The following NDRG1 variants were observed in gnomAD, a reference collection of about 807,000 sequenced individuals.
The protein encoded by NDRG1 is protein NDRG1.
NDRG1 carries 32 observed loss-of-function variants against 56.9 expected under a neutral mutation model. The ratio of observed to expected loss-of-function variants is 0.56; its 90% CI spans 0.42 to 0.76. The LOEUF is 0.76. Among genes scored for constraint, NDRG1 ranks in the 30% least tolerant of loss-of-function variants. The pLI is 0.00. For synonymous variants in NDRG1, 211 were observed against 204.1 expected (o/e 1.03, Z -0.29); for missense variants, 507 against 545.7 (o/e 0.93, Z 0.71).
chr8:133,265,799 C>T (rs1037275605), intron 3 of NDRG1, among the ~76,000 whole-genome samples: 2 of 152,218 alleles, frequency 1.3e-5, no homozygotes, highest in Non-Finnish European at 2.9e-5. Context: ...AGAGGGTGGT[C>T]GTGACTCTTT....
chr8:133,247,777 G>A, intron 12 of NDRG1, 98 bp downstream of exon 12: 1 of 1,276,616 alleles, frequency 7.8e-7, no homozygotes, highest in East Asian at 2.3e-5. Flanking sequence ...GCCCTGATGG[G>A]GCAGAGGAGA....
At chr8:133,250,217 T>A (rs867504987) in intron 10 of NDRG1, among the ~76,000 whole-genome samples, 16 of 152,214 alleles carry the variant, frequency 1.1e-4, no homozygotes, top group African/African-American at 3.4e-4. Flanking sequence ...CCCAGTGGTC[T>A]GGAGTGTTTG....
At chr8:133,287,109 C>CT (rs1199038757) in intron 1 of NDRG1, among the ~76,000 whole-genome samples, 2 of 152,090 alleles carry the variant, frequency 1.3e-5, no homozygotes, top group Non-Finnish European at 2.9e-5. Context: ...ACTTTTCAAA[C>CT]TTTTTTTGCA....
intron 7 of NDRG1, among the ~76,000 whole-genome samples, chr8:133,258,106 AG>A (rs1856473430): frequency 1.3e-5 from 2 of 152,136 alleles, no homozygotes; most frequent in African/African-American, 2.4e-5. Flanking sequence ...GTGAGTGAGG[AG>A]CGTCCTCACT....
At chr8:133,285,482 C>T (rs964278735) in intron 1 of NDRG1, among the ~76,000 whole-genome samples, 3 of 152,194 alleles carry the variant, frequency 2.0e-5, no homozygotes, top group African/African-American at 7.2e-5. Flanking sequence ...CAAGGCCCCT[C>T]GGATGCAATG....
chr8:133,248,679 C>T lies in NDRG1; in HGVS notation c.755+36G>A, dbSNP rs565239833. The stretch of plus-strand genomic sequence containing the variant: ...AGGCCACCTTTATAGTGGGCAGCCC[C>T]GACTGCAAGTGCTGGGGGAGAGAAA... On this transcript the variant is annotated intron_variant, in intron 11 of 15. Transcript: ENST00000323851. 376 of 1,613,094 alleles carry T rather than the reference C, an allele frequency of 2.3e-4. 1 individual carries two copies. The highest frequency in any genetic ancestry group is 4.3e-4 in the Admixed American group (26 of 60,006).
At chr8:133,261,732 G>T (rs531228493) in intron 5 of NDRG1, among the ~76,000 whole-genome samples, 11 of 152,274 alleles carry the variant, frequency 7.2e-5, no homozygotes, top group Admixed American at 7.2e-4. Context: ...CAGGAAGGCT[G>T]GGGGAATGGG....
intron 5 of NDRG1, among the ~76,000 whole-genome samples, chr8:133,260,794 G>C (rs186809137): frequency 1.3e-5 from 2 of 152,264 alleles, no homozygotes; most frequent in East Asian, 3.9e-4. Flanking sequence ...ATTTATAAAT[G>C]CCAAGAAGGC....
intron 1 of NDRG1, among the ~76,000 whole-genome samples, chr8:133,295,263 A>G (rs1030994897): frequency 6.6e-6 from 1 of 151,854 alleles, no homozygotes; most frequent in African/African-American, 2.4e-5. Context: ...GCATATTTCA[A>G]CTCCTCCCAC....
chr8:133,275,875 T>G (rs1857430561), intron 3 of NDRG1, among the ~76,000 whole-genome samples: 1 of 152,240 alleles, frequency 6.6e-6, no homozygotes, highest in Non-Finnish European at 1.5e-5. Flanking sequence ...ACATTTGGCA[T>G]GCTGCCAGAC....
intron 9 of NDRG1, 120 bp downstream of exon 9, chr8:133,254,419 C>T: frequency 2.2e-6 from 2 of 921,894 alleles, no homozygotes; most frequent in Non-Finnish European, 3.4e-6. Context: ...TGAGCACCAG[C>T]TCGGTGGCCC....
chr8:133,264,580 C>A lies in NDRG1; in HGVS notation c.172G>T (p.Val58Phe), dbSNP rs537639284. ...LCGTPKGNRP[V>F]ILTYHDIGMN... ...CCGATGTCATGGTAGGTGAGGATGA[C>A]AGGCCGGTTTCCCTTGGGAGTCCCA... Residue 58 changes from valine to phenylalanine, a missense_variant, in exon 4 of 16, where the codon GTC (valine) becomes TTC (phenylalanine). By Grantham distance (50) the Val-to-Phe change is conservative (BLOSUM62 -1). Coordinates refer to ENST00000323851, the MANE Select transcript of NDRG1 (RefSeq NM_006096.4). 7.4e-6 allele frequency: 12 copies of A among 1,614,216 alleles called. No homozygotes were observed. In the South Asian group the frequency reaches 1.3e-4, roughly 18 times the overall value.
At chr8:133,258,230 C>T (rs1856479828) in intron 7 of NDRG1, 136 bp downstream of exon 7, 1 of 859,218 alleles carries the variant, frequency 1.2e-6, no homozygotes, top group African/African-American at 1.7e-5. Flanking sequence ...ATGCACCACA[C>T]ACACACACAC....
At chr8:133,260,476 T>C (rs1015371703) in intron 5 of NDRG1, among the ~76,000 whole-genome samples, 2 of 152,176 alleles carry the variant, frequency 1.3e-5, no homozygotes, top group Admixed American at 1.3e-4. Flanking sequence ...AAATGCGCTG[T>C]AATACCCAGA....
At chr8:133,277,053 C>T (rs968316837) in intron 3 of NDRG1, among the ~76,000 whole-genome samples, 7 of 152,302 alleles carry the variant, frequency 4.6e-5, no homozygotes, top group African/African-American at 7.2e-5. Context: ...CCTGAGGACA[C>T]GATGCTAACT....
At chr8:133,249,785 C>T (rs946608692) in intron 10 of NDRG1, among the ~76,000 whole-genome samples, 2 of 152,186 alleles carry the variant, frequency 1.3e-5, no homozygotes, top group African/African-American at 4.8e-5. Context: ...ATGTTAATTT[C>T]AAGAAGTCAC....
At chr8:133,242,935 G>A (rs1259867810) in intron 14 of NDRG1, among the ~76,000 whole-genome samples, 2 of 152,222 alleles carry the variant, frequency 1.3e-5, no homozygotes, top group South Asian at 2.1e-4. Context: ...TACTTTAAGT[G>A]AAATGCGTAT....
In NDRG1 at chr8:133,284,282, G is replaced by C; in HGVS notation, c.30C>G (p.Leu10=). 6.2e-7 allele frequency: 1 copy of C among 1,614,154 alleles called. No homozygotes were observed. ...TCTCCACCAAAGGCTTCACCTCAGC[G>C]AGGTCTACATCCTGCATCTCCCGAG... MSREMQDVD[L]AEVKPLVEKG... is the part of the protein sequence containing the mutation. Residue 10 remains leucine, a synonymous_variant, in exon 2 of 16, where the codon CTC becomes CTG. Transcript: ENST00000323851.
intron 5 of NDRG1, among the ~76,000 whole-genome samples, chr8:133,261,215 C>G (rs1856645277): frequency 6.6e-6 from 1 of 152,206 alleles, no homozygotes; most frequent in Non-Finnish European, 1.5e-5. Context: ...AAGGGATTAT[C>G]TGGCCTAAGC....
Sources: allele counts gnomAD v4.1 joint callset (sites outside exome capture counted in the v4.1 genomes callset), GRCh38; gene constraint gnomAD v4.1.1; transcripts MANE v1.5; gene names NCBI Gene and HGNC (gene_info 2026-07-23, HGNC 2026-07-21).